Variants in MON1A observed in about 807,000 individuals in gnomAD.
MON1A encodes MON1 vesicular trafficking associated A.
MON1A carries 29 observed loss-of-function variants against 44.6 expected under a neutral mutation model. The observed-to-expected ratio is 0.65, with a 90% CI of 0.48 to 0.89. The LOEUF (loss-of-function observed/expected upper bound fraction) is 0.89. Among genes scored for constraint, MON1A ranks in the 40% least tolerant of loss-of-function variants. The pLI is 0.00. For synonymous variants in MON1A, 275 were observed against 316.4 expected (o/e 0.87, Z 1.39); for missense variants, 615 against 759.6 (o/e 0.81, Z 2.24).
chr3:49,917,119 C>T (rs905334857), intron 1 of MON1A, among the ~76,000 whole-genome samples: 6 of 152,040 alleles, frequency 3.9e-5, no homozygotes, highest in Non-Finnish European at 5.9e-5. Flanking sequence ...AGCCACCATG[C>T]GTGGATAATT....
chr3:49,912,159 A>G, intron 2 of MON1A, 148 bp from the exon 3 acceptor site: 1 of 1,010,908 alleles, frequency 9.9e-7, no homozygotes, highest in Non-Finnish European at 1.4e-6. Flanking sequence ...GCCATGGATG[A>G]TGCTTCTCTG....
intron 1 of MON1A, chr3:49,916,931 G>GT (rs1272405565): frequency 6.6e-6 from 1 of 152,260 alleles, no homozygotes; most frequent in African/African-American, 2.4e-5. Flanking sequence ...TCATAGACCA[G>GT]TAATTCCAAA....
intron 1 of MON1A, among the ~76,000 whole-genome samples, chr3:49,919,586 G>T (rs1475529964): frequency 6.6e-6 from 1 of 152,094 alleles, no homozygotes; most frequent in Non-Finnish European, 1.5e-5. Flanking sequence ...TTCAAGCGAT[G>T]CTCCTCCCTC....
rs1575468229 is a variant in MON1A, at chr3:49,909,400, G to A, written c.1380C>T (p.Ser460=). 6.2e-7 allele frequency: 1 copy of A among 1,613,988 alleles called. No individual in the cohort carries two copies. The highest frequency in any genetic ancestry group is 8.5e-7 in the Non-Finnish European group (1 of 1,179,952). ...TGGTGTATGGGGCCTCAATCTCAGGGCTGCAGACAGGGTGGAGGGAGTGGG... is the reference window on the plus strand; with the variant it reads ...TGGTGTATGGGGCCTCAATCTCAGGACTGCAGACAGGGTGGAGGGAGTGGG... The part of the protein sequence containing the change: ...YKSKSSGLFT[S]PEIEAPYTSE... Residue 460 remains serine, a splice_region_variant and synonymous_variant, in exon 5 of 6, where the codon AGC becomes AGT. Transcript: ENST00000296473. The surrounding 1 kb of genome is among the most constrained non-coding windows in gnomAD (Gnocchi z 4.0).
chr3:49,909,386 G>A lies in MON1A; in HGVS notation c.1394C>T (p.Ala465Val). 1 of 1,614,034 alleles carries A rather than the reference G, an allele frequency of 6.2e-7. No homozygotes were observed. Among genetic ancestry groups the A allele is most frequent in the East Asian group, 2.2e-5 (1 of 44,878 alleles). The change falls in exon 5 of 6, where the codon GCC becomes GTC. Residue 465 changes from alanine (A) to valine (V), a missense_variant. Ala to Val is a moderately conservative substitution (Grantham distance 64). Transcript: ENST00000296473. The surrounding 1 kb of genome is among the most constrained non-coding windows in gnomAD (Gnocchi z 4.0). Reference protein sequence around the residue: ...SGLFTSPEIEAPYTSEEEQER... With the variant: ...SGLFTSPEIEVPYTSEEEQER... ...CTGCTCCTCTTCACTGGTGTATGGG[G>A]CCTCAATCTCAGGGCTGCAGACAGG...
At chr3:49,917,608 G>A (rs2082956524) in intron 1 of MON1A, among the ~76,000 whole-genome samples, 1 of 151,954 alleles carries the variant, frequency 6.6e-6, no homozygotes, top group African/African-American at 2.4e-5. Flanking sequence ...ACATTTCTAT[G>A]TCTCCTCACT....
chr3:49,927,865 C>T (rs1227322349), intron 1 of MON1A, among the ~76,000 whole-genome samples: 6 of 151,546 alleles, frequency 4.0e-5, no homozygotes, highest in Non-Finnish European at 8.8e-5. Flanking sequence ...CGCGCCATTG[C>T]ACTCCAGCCT....
intron 1 of MON1A, among the ~76,000 whole-genome samples, chr3:49,921,741 C>T (rs1255058128): frequency 6.6e-6 from 1 of 151,418 alleles, no homozygotes; most frequent in Non-Finnish European, 1.5e-5. Flanking sequence ...TGCACTACAG[C>T]CTCAAATTCC....
intron 2 of MON1A, chr3:49,912,678 G>A (rs1050247320): frequency 3.7e-5 from 8 of 218,738 alleles, no homozygotes; most frequent in African/African-American, 1.2e-4. Context: ...TAATGGCGCC[G>A]CAGCCTGTGA....
In MON1A at chr3:49,911,495, G is replaced by T; in HGVS notation, c.613+31C>A. On this transcript the variant is annotated intron_variant, in intron 3 of 5. Transcript: ENST00000296473. The surrounding 1 kb of genome is among the most constrained non-coding windows in gnomAD (Gnocchi z 5.7). ...CTATGAATGAACCTTGGCCAGGGGAGCCCGCCCCATTCCCTCTCCAGGTGG... is the reference window on the plus strand; with the variant it reads ...CTATGAATGAACCTTGGCCAGGGGATCCCGCCCCATTCCCTCTCCAGGTGG... 5 of 1,579,778 alleles carry T rather than the reference G, an allele frequency of 3.2e-6. No individual in the cohort carries two copies. Among genetic ancestry groups the T allele is most frequent in the Non-Finnish European group, 3.4e-6 (4 of 1,161,532 alleles).
chr3:49,929,797 C>G lies in MON1A; in HGVS notation c.-202G>C, dbSNP rs564730205. ...CCCTCCCACCGCCCTCACCCGGCCGCCGGTGCAGGAAGATAGCTTTCGCCG... is the reference window on the plus strand; with the variant it reads ...CCCTCCCACCGCCCTCACCCGGCCGGCGGTGCAGGAAGATAGCTTTCGCCG... On this transcript the variant is annotated 5_prime_UTR_variant, in exon 1 of 6. Coordinates refer to ENST00000296473, the MANE Select transcript of MON1A (RefSeq NM_032355.4). 1 of 1,547,834 alleles carries G rather than the reference C, an allele frequency of 6.5e-7. No homozygotes were observed. The highest frequency in any genetic ancestry group is 1.2e-5 in the South Asian group (1 of 84,022).
At chr3:49,918,049 CAAG>C (rs2082962891) in intron 1 of MON1A, among the ~76,000 whole-genome samples, 1 of 151,402 alleles carries the variant, frequency 6.6e-6, no homozygotes, top group African/African-American at 2.4e-5. Flanking sequence ...TCAAAAAAAA[CAAG>C]AAGGCCAGGC....
chr3:49,914,142 G>A (rs2082921392), intron 1 of MON1A, among the ~76,000 whole-genome samples: 1 of 149,210 alleles, frequency 6.7e-6, no homozygotes, highest in Non-Finnish European at 1.5e-5. Flanking sequence ...CCTGGCTGGA[G>A]TGCAATGGCG....
chr3:49,918,354 A>G (rs2082966470), intron 1 of MON1A, among the ~76,000 whole-genome samples: 1 of 151,902 alleles, frequency 6.6e-6, no homozygotes, highest in Non-Finnish European at 1.5e-5. Flanking sequence ...AAAGAACAAA[A>G]AAAAAGAACT....
chr3:49,922,761 C>T (rs1398222654), intron 1 of MON1A, among the ~76,000 whole-genome samples: 5 of 150,812 alleles, frequency 3.3e-5, no homozygotes, highest in African/African-American at 7.3e-5. Flanking sequence ...TGCAATGGCG[C>T]GATCTCAGCT....
chr3:49,927,894 C>G (rs977456138), intron 1 of MON1A, among the ~76,000 whole-genome samples: 5 of 151,154 alleles, frequency 3.3e-5, no homozygotes, highest in African/African-American at 4.9e-5. Flanking sequence ...GATTGAAACT[C>G]TGTCTCAAAA....
At chr3:49,924,893 T>C (rs1473784910) in intron 1 of MON1A, among the ~76,000 whole-genome samples, 1 of 152,142 alleles carries the variant, frequency 6.6e-6, no homozygotes, top group Non-Finnish European at 1.5e-5. Context: ...GAGTGAGTCA[T>C]CTCGGAAGCA....
At chr3:49,920,039 C>T (rs1282057499) in intron 1 of MON1A, among the ~76,000 whole-genome samples, 1 of 152,178 alleles carries the variant, frequency 6.6e-6, no homozygotes, top group African/African-American at 2.4e-5. Context: ...ATGGAGCTCA[C>T]GGATATCTGG....
chr3:49,916,151 C>T (rs947387034), intron 1 of MON1A, among the ~76,000 whole-genome samples: 1 of 152,192 alleles, frequency 6.6e-6, no homozygotes, highest in Non-Finnish European at 1.5e-5. Context: ...AATAACTGAG[C>T]TCTTGTCCCC....
Sources: gnomAD v4.1 joint callset for allele counts (sites outside exome capture counted in the v4.1 genomes callset) on GRCh38, gnomAD v4.1.1 for gene constraint, Gnocchi (gnomAD v3.1) non-coding constraint, MANE v1.5 for transcripts, NCBI Gene and HGNC (gene_info 2026-07-23, HGNC 2026-07-21) for gene names.